SLC38A6: variants seen among roughly 807,000 people sequenced by gnomAD.
SLC38A6 encodes solute carrier family 38 member 6.
In SLC38A6, 73 loss-of-function variants were observed where a neutral mutation model predicts 65.0. That is an observed-to-expected ratio of 1.12 (90% CI 0.93 to 1.37). The LOEUF (loss-of-function observed/expected upper bound fraction) is 1.37. Ranked by LOEUF, SLC38A6 falls within the 40% of genes most tolerant of loss-of-function variation. The probability of loss-of-function intolerance (pLI) is 0.00; values close to 1 mark genes in which losing one functional copy is unlikely to be tolerated. For missense variants in SLC38A6, 561 were observed against 531.1 expected (o/e 1.06, Z -0.55); for synonymous variants, 183 against 178.8 (o/e 1.02, Z -0.19).
intron 6 of SLC38A6, 53 bp downstream of exon 6, chr14:61,030,576 T>C (rs1003921071): frequency 3.3e-6 from 4 of 1,199,434 alleles, no homozygotes; most frequent in Non-Finnish European, 4.8e-6. Context: ...TTGATAAATA[T>C]GTATTAAGCT....
chr14:61,064,867 G>A (rs994103462), intron 15 of SLC38A6, among the ~76,000 whole-genome samples: 4 of 151,962 alleles, frequency 2.6e-5, no homozygotes, highest in African/African-American at 9.7e-5. Flanking sequence ...AATTACTTTC[G>A]TATGTTGAGG....
At chr14:60,982,257 C>T (rs777832686) in intron 1 of SLC38A6, 6 of 534,826 alleles carry the variant, frequency 1.1e-5, no homozygotes, top group South Asian at 4.6e-5. Context: ...AGTCATGGCC[C>T]TTCCTGAACT....
intron 5 of SLC38A6, among the ~76,000 whole-genome samples, chr14:61,030,106 A>T (rs754646540): frequency 6.6e-6 from 1 of 152,330 alleles, no homozygotes; most frequent in South Asian, 2.1e-4. Context: ...GAGTGATAAC[A>T]TATAAGAGAG....
chr14:61,051,265 C>T (rs2042493182), intron 13 of SLC38A6, among the ~76,000 whole-genome samples: 1 of 152,140 alleles, frequency 6.6e-6, no homozygotes, highest in Non-Finnish European at 1.5e-5. Context: ...GTGTGGGCTG[C>T]AGTGCCAAGA....
At chr14:60,983,620 A>T (rs924954524) in intron 2 of SLC38A6, among the ~76,000 whole-genome samples, 1 of 152,246 alleles carries the variant, frequency 6.6e-6, no homozygotes, top group East Asian at 1.9e-4. Context: ...ATGCCTAGGG[A>T]GTCTCTTTTA....
At chr14:61,065,012 G>A (rs980106649) in intron 15 of SLC38A6, among the ~76,000 whole-genome samples, 2 of 152,076 alleles carry the variant, frequency 1.3e-5, no homozygotes, top group African/African-American at 4.8e-5. Context: ...CTCTGCTTGT[G>A]CTATATTATT....
intron 15 of SLC38A6, among the ~76,000 whole-genome samples, chr14:61,066,160 A>T (rs2043012041): frequency 6.6e-6 from 1 of 152,054 alleles, no homozygotes; most frequent in African/African-American, 2.4e-5. Context: ...TTTTTAAAAA[A>T]CTCAAATACA....
chr14:61,061,088 CG>C (rs1359771136), intron 15 of SLC38A6, among the ~76,000 whole-genome samples: 1 of 152,082 alleles, frequency 6.6e-6, no homozygotes, highest in Non-Finnish European at 1.5e-5. Context: ...TCTTCTGCGT[CG>C]CTCACGCTGG....
chr14:61,008,499 T>C (rs1426945685), intron 3 of SLC38A6, among the ~76,000 whole-genome samples: 4 of 152,174 alleles, frequency 2.6e-5, no homozygotes, highest in Admixed American at 6.5e-5. Context: ...GCCATATCTT[T>C]AACTCAATAA....
At chr14:60,995,153 G>A (rs954746315) in intron 3 of SLC38A6, among the ~76,000 whole-genome samples, 1 of 152,162 alleles carries the variant, frequency 6.6e-6, no homozygotes, top group Admixed American at 6.6e-5. Context: ...AATGAAATTG[G>A]TACCTTGTAG....
intron 11 of SLC38A6, among the ~76,000 whole-genome samples, chr14:61,045,792 AG>A (rs2042104923): frequency 6.6e-6 from 1 of 151,988 alleles, no homozygotes; most frequent in South Asian, 2.1e-4. Flanking sequence ...AGGCTGAGGC[AG>A]GAGAATCGCT....
intron 15 of SLC38A6, among the ~76,000 whole-genome samples, chr14:61,072,534 C>G (rs1251118945): frequency 6.6e-6 from 1 of 152,154 alleles, no homozygotes; most frequent in Admixed American, 6.5e-5. Context: ...ACCCCACAAC[C>G]CTTGTCAGCC....
At chr14:61,012,365 T>G (rs570494487) in intron 3 of SLC38A6, among the ~76,000 whole-genome samples, 110 of 152,296 alleles carry the variant, frequency 7.2e-4, no homozygotes, top group African/African-American at 2.6e-3. Flanking sequence ...TTTGCAGGGT[T>G]TTTTGTGTCT....
At chr14:61,047,962 GATAGATAGATAGATACATAC>G (rs2042252842) in intron 12 of SLC38A6, among the ~76,000 whole-genome samples, 1 of 43,262 alleles carries the variant, frequency 2.3e-5, no homozygotes, top group African/African-American at 1.1e-4. Flanking sequence ...AGATTAGATA[GATAGATAGATAGATACATAC>G]ATACATACAT....
chr14:60,991,574 T>C (rs577253293), intron 3 of SLC38A6, among the ~76,000 whole-genome samples: 101 of 152,152 alleles, frequency 6.6e-4, no homozygotes, highest in Non-Finnish European at 1.1e-3. Flanking sequence ...TCTTCCCCAG[T>C]CGTGCTGGGT....
intron 16 of SLC38A6, among the ~76,000 whole-genome samples, chr14:61,081,137 C>G (rs2066563330): frequency 9.8e-6 from 1 of 102,342 alleles, no homozygotes; most frequent in Non-Finnish European, 2.4e-5. Flanking sequence ...AATTAGAGGG[C>G]CACATGGCAA....
chr14:60,991,391 A>C lies in SLC38A6; in HGVS notation c.310+6588A>C, dbSNP rs567787571. Among the ~76,000 whole-genome samples the C allele has an allele frequency of 2.6e-5, 4 of 152,320 alleles. No homozygotes were observed. In the South Asian group the frequency reaches 8.3e-4, roughly 32 times the overall value. On this transcript the variant is annotated intron_variant, in intron 3 of 15. Transcript: ENST00000267488. ...GAATATGAATATTCATTTAATCTTC[A>C]TAATAATATTATGAGGTACGTATCA... is the stretch of plus-strand genomic sequence containing the variant.
chr14:60,997,788 G>A (rs971519742), intron 3 of SLC38A6, among the ~76,000 whole-genome samples: 1 of 152,154 alleles, frequency 6.6e-6, no homozygotes, highest in Non-Finnish European at 1.5e-5. Flanking sequence ...GTAGATGTCT[G>A]GTGTATCTCC....
At chr14:60,994,725 C>G (rs1390382247) in intron 3 of SLC38A6, among the ~76,000 whole-genome samples, 1 of 144,962 alleles carries the variant, frequency 6.9e-6, no homozygotes, top group East Asian at 2.1e-4. Context: ...AAAAAAATAC[C>G]CAGCATGGTG....
Sources: allele counts gnomAD v4.1 joint callset (sites outside exome capture counted in the v4.1 genomes callset), GRCh38; gene constraint gnomAD v4.1.1; transcripts MANE v1.5; gene names NCBI Gene and HGNC (gene_info 2026-07-23, HGNC 2026-07-21).